Variants in RASGRF2 observed in about 807,000 individuals in gnomAD.
The protein encoded by RASGRF2 is ras-specific guanine nucleotide-releasing factor 2.
A neutral mutation model predicts 151.0 loss-of-function variants in RASGRF2; 76 were observed. The observed-to-expected ratio is 0.50, with a 90% CI of 0.42 to 0.61. RASGRF2 has a LOEUF of 0.61. RASGRF2 is among the 20% of genes least tolerant of loss of function. The probability of loss-of-function intolerance (pLI) is 0.00; values close to 1 mark genes in which losing one functional copy is unlikely to be tolerated. For missense variants in RASGRF2, 1,148 were observed against 1,564.6 expected (o/e 0.73, Z 4.49); for synonymous variants, 504 against 566.5 (o/e 0.89, Z 1.57).
At chr5:81,113,101 C>T (rs533460860) in intron 14 of RASGRF2, among the ~76,000 whole-genome samples, 12 of 152,238 alleles carry the variant, frequency 7.9e-5, no homozygotes, top group South Asian at 2.1e-4. Flanking sequence ...TATTTGTAAA[C>T]GAACTCCATT....
chr5:81,004,300 G>A (rs1243966606), intron 1 of RASGRF2, among the ~76,000 whole-genome samples: 2 of 152,240 alleles, frequency 1.3e-5, no homozygotes, highest in East Asian at 1.9e-4. Context: ...TGTTTTTGAT[G>A]TATTTGGATT....
chr5:81,228,303 C>T lies in RASGRF2; in HGVS notation c.*2533C>T, dbSNP rs977117874. ...CAAGAGGGCAAGAGAGAGAGCTCCA[C>T]CTCTGAGGGAGTGTCTGTTGATGAC... On this transcript the variant is annotated 3_prime_UTR_variant, in exon 27 of 27. Transcript: ENST00000265080. 2 of 152,226 alleles carry T rather than the reference C, an allele frequency of 1.3e-5. No individual in the cohort carries two copies. The highest frequency in any genetic ancestry group is 2.9e-5 in the Non-Finnish European group (2 of 68,058). The allele number at this position is 152,226 out of a possible 1,614,324, so 9.4% of individuals were successfully genotyped here. A position where few individuals can be genotyped will look rare whatever the true frequency, so the allele number is the denominator to read the frequency against.
chr5:81,190,934 A>G (rs1406675941), intron 18 of RASGRF2, among the ~76,000 whole-genome samples: 1 of 148,404 alleles, frequency 6.7e-6, no homozygotes, highest in Non-Finnish European at 1.5e-5. Context: ...ATGTACTTCG[A>G]TAGCTTCTTA....
chr5:81,221,766 C>T (rs1755861389), intron 26 of RASGRF2, among the ~76,000 whole-genome samples: 2 of 152,172 alleles, frequency 1.3e-5, no homozygotes, highest in Admixed American at 6.5e-5. Context: ...TACCTGAGGT[C>T]AGGAGTTCAA....
chr5:81,034,917 T>A (rs1190408280), intron 1 of RASGRF2, among the ~76,000 whole-genome samples: 1 of 151,894 alleles, frequency 6.6e-6, no homozygotes, highest in Non-Finnish European at 1.5e-5. Flanking sequence ...CTGCACATTG[T>A]GCACATGTAC....
intron 2 of RASGRF2, among the ~76,000 whole-genome samples, chr5:81,043,233 T>C (rs1331236726): frequency 1.3e-5 from 2 of 152,240 alleles, no homozygotes; most frequent in East Asian, 3.8e-4. Context: ...TCTTCCTATG[T>C]GCCAAGCACT....
At chr5:81,060,382 A>C (rs1180289513) in intron 2 of RASGRF2, among the ~76,000 whole-genome samples, 1 of 152,082 alleles carries the variant, frequency 6.6e-6, no homozygotes, top group African/African-American at 2.4e-5. Flanking sequence ...TCCCTGCTTC[A>C]AGTCGTTTCT....
intron 18 of RASGRF2, among the ~76,000 whole-genome samples, chr5:81,201,058 A>G (rs2112713840): frequency 6.6e-6 from 1 of 152,196 alleles, no homozygotes; most frequent in South Asian, 2.1e-4. Context: ...ACCCTTCCCA[A>G]TGGCTGTTCC....
chr5:81,005,296 A>G (rs1452971608), intron 1 of RASGRF2, among the ~76,000 whole-genome samples: 1 of 152,164 alleles, frequency 6.6e-6, no homozygotes. Context: ...GGAAGCAAAC[A>G]TGTCCTTCTT....
At chr5:81,108,770 T>C (rs750045679) in intron 12 of RASGRF2, among the ~76,000 whole-genome samples, 5 of 152,052 alleles carry the variant, frequency 3.3e-5, no homozygotes, top group Non-Finnish European at 5.9e-5. Context: ...GTCAGGCATT[T>C]AGTTGATACA....
intron 16 of RASGRF2, among the ~76,000 whole-genome samples, chr5:81,124,844 A>G (rs1753407200): frequency 6.6e-6 from 1 of 152,134 alleles, no homozygotes; most frequent in Non-Finnish European, 1.5e-5. Context: ...AGAAAATTAC[A>G]CAATTATGAA....
At chr5:81,088,712 G>C (rs1210468805) in intron 9 of RASGRF2, 5 of 152,014 alleles carry the variant, frequency 3.3e-5, no homozygotes, top group Non-Finnish European at 7.4e-5. Flanking sequence ...TTTTGATTGG[G>C]AAGTATTATA....
chr5:80,977,900 C>T (rs527598194), intron 1 of RASGRF2, among the ~76,000 whole-genome samples: 3 of 152,308 alleles, frequency 2.0e-5, no homozygotes, highest in East Asian at 3.9e-4. Flanking sequence ...GATAGCTTAT[C>T]AGCCTAGTTT....
In RASGRF2 at chr5:81,195,893, G is replaced by C. The variant is rs112785113; in HGVS notation, c.2794-5437G>C. On this transcript the variant is annotated intron_variant, in intron 18 of 26. Transcript: ENST00000265080. ...TCACCTCTCTTCAGCCTGTGTGGCC[G>C]ATATGTGACGGGAGACCATGAGATT... Among the ~76,000 whole-genome samples, 314 of 152,270 alleles carry C rather than the reference G, an allele frequency of 2.1e-3. 3 individuals are homozygous for C. The highest frequency in any genetic ancestry group is 7.2e-3 in the African/African-American group (300 of 41,546).
chr5:80,960,797 G>T lies in RASGRF2; in HGVS notation c.59G>T (p.Arg20Leu). Residue 20 changes from arginine (R) to leucine (L), a missense_variant, in exon 1 of 27, where the codon CGC becomes CTC. Coordinates refer to ENST00000265080, the MANE Select transcript of RASGRF2 (RefSeq NM_006909.3). The surrounding 1 kb of genome is among the most constrained non-coding windows in gnomAD (Gnocchi z 5.5). ...GHALYLAFLA[R>L]KEGTKRGFLS... is the part of the protein sequence containing the mutation. ...GCCCTGTACCTGGCCTTTCTGGCGC[G>T]CAAGGAGGGCACCAAGCGCGGCTTC... 6.2e-7 allele frequency: 1 copy of T among 1,613,050 alleles called. No homozygotes were observed. The highest frequency in any genetic ancestry group is 8.5e-7 in the Non-Finnish European group (1 of 1,179,458).
chr5:81,096,963 GTT>G (rs2112510058), intron 12 of RASGRF2, among the ~76,000 whole-genome samples: 1 of 69,546 alleles, frequency 1.4e-5, no homozygotes, highest in African/African-American at 7.5e-5. Flanking sequence ...TTGTTTGTTT[GTT>G]TGTGTTTTTT....
intron 26 of RASGRF2, 80 bp downstream of exon 26, chr5:81,219,858 T>A: frequency 8.6e-7 from 1 of 1,167,570 alleles, no homozygotes; most frequent in Non-Finnish European, 1.2e-6. Context: ...TAAAAGTTGA[T>A]CCAAAATACC....
rs1755558067 is a variant in RASGRF2, at chr5:81,208,436, G to A, written c.3154G>A (p.Asp1052Asn). Residue 1052 changes from aspartate (D) to asparagine (N), a missense_variant and splice_region_variant, in exon 22 of 27, where the codon GAC becomes AAC. By Grantham distance (23) the Asp-to-Asn change is conservative (BLOSUM62 1). Transcript: ENST00000265080. ...TATGAAAACCAGCCAACACTTCAATGACGTGAGTAACCGTAACAGTAAAAC... is the reference window on the plus strand; with the variant it reads ...TATGAAAACCAGCCAACACTTCAATAACGTGAGTAACCGTAACAGTAAAAC... ...YIMKTSQHFN[D>N]MSNLVASQIM... 3.1e-6 allele frequency: 5 copies of A among 1,596,216 alleles called. No individual in the cohort carries two copies. In the African/African-American group the frequency reaches 6.8e-5, roughly 22 times the overall value.
intron 1 of RASGRF2, among the ~76,000 whole-genome samples, chr5:81,034,699 A>G (rs1580232830): frequency 6.6e-6 from 1 of 151,348 alleles, no homozygotes; most frequent in African/African-American, 2.4e-5. Flanking sequence ...TATCGCAAGA[A>G]CAAAAAACCA....
Sources: gnomAD v4.1 joint callset for allele counts (sites outside exome capture counted in the v4.1 genomes callset) on GRCh38, gnomAD v4.1.1 for gene constraint, Gnocchi (gnomAD v3.1) non-coding constraint, MANE v1.5 for transcripts, NCBI Gene and HGNC (gene_info 2026-07-23, HGNC 2026-07-21) for gene names.